GRIA1: variants seen among roughly 807,000 people sequenced by gnomAD.
The protein encoded by GRIA1 is glutamate ionotropic receptor AMPA type subunit 1.
A neutral mutation model predicts 99.2 loss-of-function variants in GRIA1; 31 were observed. That is an observed-to-expected ratio of 0.31 (90% confidence interval 0.23 to 0.42). The LOEUF is 0.42. Ranked by LOEUF, GRIA1 falls within the 10% of genes least tolerant of loss-of-function variation. The pLI is 1.00. For synonymous variants in GRIA1, 438 were observed against 432.4 expected (o/e 1.01, Z -0.16); for missense variants, 782 against 1,157.5 (o/e 0.68, Z 4.71).
chr5:153,536,559 T>C (rs893595013), intron 2 of GRIA1, among the ~76,000 whole-genome samples: 19 of 152,196 alleles, frequency 1.2e-4, no homozygotes, highest in African/African-American at 4.6e-4. Context: ...GTGCAGTACA[T>C]TTCACATAAG....
intron 2 of GRIA1, among the ~76,000 whole-genome samples, chr5:153,503,092 A>C (rs1755162197): frequency 6.6e-6 from 1 of 152,256 alleles, no homozygotes; most frequent in East Asian, 1.9e-4. Flanking sequence ...TAATTTATTT[A>C]AGCTGTCTCC....
intron 5 of GRIA1, 28 bp from the exon 6 acceptor site, chr5:153,674,472 T>G (rs780186686): frequency 6.2e-7 from 1 of 1,613,396 alleles, no homozygotes; most frequent in Admixed American, 1.7e-5. Context: ...CAGCATGTTC[T>G]AACTTCTCCC....
rs370101445 is a variant in GRIA1, at chr5:153,705,870, C to T, written c.1626C>T (p.Cys542=). Residue 542 remains cysteine, a synonymous_variant, in exon 11 of 16, where the codon TGC becomes TGT. Transcript: ENST00000285900. ...CTTTGGCTTATGAGATTTGGATGTGCATTGTTTTTGCCTACATTGGAGTGA... is the reference window on the plus strand; with the variant it reads ...CTTTGGCTTATGAGATTTGGATGTGTATTGTTTTTGCCTACATTGGAGTGA... The part of the protein sequence containing the change: ...LDPLAYEIWM[C]IVFAYIGVSV... 1.1e-5 allele frequency: 17 copies of T among 1,613,728 alleles called. No individual in the cohort carries two copies. The highest frequency in any genetic ancestry group is 1.6e-4 in the Middle Eastern group (1 of 6,084).
chr5:153,695,338 A>G (rs1333963170), intron 8 of GRIA1, among the ~76,000 whole-genome samples: 1 of 152,200 alleles, frequency 6.6e-6, no homozygotes, highest in Non-Finnish European at 1.5e-5. Flanking sequence ...TTAAACATCT[A>G]TTTTTCAGCT....
chr5:153,742,898 C>A (rs1404635914), intron 11 of GRIA1, among the ~76,000 whole-genome samples: 3 of 152,248 alleles, frequency 2.0e-5, no homozygotes, highest in African/African-American at 7.2e-5. Flanking sequence ...TGAATGGTCT[C>A]TTTGCCTTGT....
chr5:153,794,327 A>G (rs952111308), intron 13 of GRIA1, among the ~76,000 whole-genome samples: 1 of 152,236 alleles, frequency 6.6e-6, no homozygotes, highest in African/African-American at 2.4e-5. Flanking sequence ...AGAAAAAGAA[A>G]TCTATAAAAG....
In GRIA1 at chr5:153,804,896, C is replaced by T. The variant is rs184387013; in HGVS notation, c.2520+2406C>T. ...CCTCCCGAGTAGCTGGGATTAGAGG[C>T]GTGTGCCACCACACCTGGCTAATTT... On this transcript the variant is annotated intron_variant, in intron 15 of 15. Coordinates refer to ENST00000285900, the MANE Select transcript of GRIA1 (RefSeq NM_000827.4). 2.9e-3 allele frequency among the ~76,000 whole-genome samples: 446 copies of T among 152,194 alleles called. 3 individuals carry two copies. The highest frequency in any genetic ancestry group is 1.0e-2 in the African/African-American group (415 of 41,532).
At chr5:153,514,479 T>C (rs1756420349) in intron 2 of GRIA1, among the ~76,000 whole-genome samples, 1 of 152,244 alleles carries the variant, frequency 6.6e-6, no homozygotes, top group South Asian at 2.1e-4. Flanking sequence ...TTGGCACCTT[T>C]GTAGAAAATC....
chr5:153,704,024 G>A (rs1247602662), intron 10 of GRIA1, among the ~76,000 whole-genome samples: 1 of 152,122 alleles, frequency 6.6e-6, no homozygotes, highest in Non-Finnish European at 1.5e-5. Flanking sequence ...GGGTATTAGG[G>A]GAAAAAACAG....
At chr5:153,657,161 T>C (rs1167086462) in intron 5 of GRIA1, among the ~76,000 whole-genome samples, 1 of 152,240 alleles carries the variant, frequency 6.6e-6, no homozygotes. Context: ...AATGCTGCTA[T>C]AAAATATTAG....
intron 2 of GRIA1, among the ~76,000 whole-genome samples, chr5:153,556,339 C>G (rs983075443): frequency 2.0e-5 from 3 of 152,130 alleles, no homozygotes; most frequent in African/African-American, 4.8e-5. Context: ...AAAGGTCGCT[C>G]TTCCCTGCAG....
chr5:153,701,619 CAAAAAAAAAAA>C (rs70978504), intron 10 of GRIA1, among the ~76,000 whole-genome samples: 1 of 39,426 alleles, frequency 2.5e-5, no homozygotes, highest in Admixed American at 4.2e-4. Flanking sequence ...AGACCCGTCT[CAAAAAAAAAAA>C]AAAAAAAAAA....
At chr5:153,693,807 T>C (rs1757920544) in intron 8 of GRIA1, among the ~76,000 whole-genome samples, 2 of 152,218 alleles carry the variant, frequency 1.3e-5, no homozygotes, top group Admixed American at 1.3e-4. Context: ...CTGCATATCC[T>C]CAGTAGAGAA....
chr5:153,691,567 T>A lies in GRIA1; in HGVS notation c.1134+5238T>A, dbSNP rs147614998. 1.6e-3 allele frequency among the ~76,000 whole-genome samples: 248 copies of A among 152,336 alleles called. 7 individuals are homozygous for A. The highest frequency in any genetic ancestry group is 2.5e-4 in the Non-Finnish European group (17 of 68,042). ...AGACTAAAGGGACACAAAGTCCTGC[T>A]GATATCAAAAGTAATCTTCTAAAGT... is the stretch of plus-strand genomic sequence containing the variant. On this transcript the variant is annotated intron_variant, in intron 8 of 15. Coordinates refer to ENST00000285900, the MANE Select transcript of GRIA1 (RefSeq NM_000827.4).
At chr5:153,687,037 C>T (rs1471925937) in intron 8 of GRIA1, among the ~76,000 whole-genome samples, 1 of 125,118 alleles carries the variant, frequency 8.0e-6, no homozygotes, top group African/African-American at 3.4e-5. Context: ...GGACTTCCTC[C>T]CCCCATCTCC....
chr5:153,693,592 T>TA (rs1757909530), intron 8 of GRIA1, among the ~76,000 whole-genome samples: 1 of 152,184 alleles, frequency 6.6e-6, no homozygotes, highest in Non-Finnish European at 1.5e-5. Flanking sequence ...TTTCTCCACT[T>TA]AAAAAATCTG....
At chr5:153,771,598 C>A (rs138865752) in intron 13 of GRIA1, among the ~76,000 whole-genome samples, 45 of 152,246 alleles carry the variant, frequency 3.0e-4, no homozygotes, top group Non-Finnish European at 5.1e-4. Flanking sequence ...GATACTAGGA[C>A]AGTCTATAAA....
intron 2 of GRIA1, among the ~76,000 whole-genome samples, chr5:153,565,841 T>A (rs1416397364): frequency 6.6e-6 from 1 of 152,172 alleles, no homozygotes; most frequent in Non-Finnish European, 1.5e-5. Flanking sequence ...TTTCATTTTA[T>A]GGATATACCA....
At chr5:153,739,285 G>A (rs974754389) in intron 11 of GRIA1, among the ~76,000 whole-genome samples, 1 of 152,010 alleles carries the variant, frequency 6.6e-6, no homozygotes, top group Non-Finnish European at 1.5e-5. Context: ...TCACTCCTAA[G>A]GTCTTTGGTT....
Sources: gnomAD v4.1 joint callset for allele counts (sites outside exome capture counted in the v4.1 genomes callset) on GRCh38, gnomAD v4.1.1 for gene constraint, MANE v1.5 for transcripts, NCBI Gene and HGNC (gene_info 2026-07-23, HGNC 2026-07-21) for gene names.